NCAM1: variants seen among roughly 807,000 people sequenced by gnomAD.
NCAM1 encodes antigen recognized by monoclonal antibody 5.1H11.
In NCAM1, 14 loss-of-function variants were observed where a neutral mutation model predicts 109.8. The observed-to-expected ratio is 0.13, with a 90% CI of 0.08 to 0.20. The LOEUF (loss-of-function observed/expected upper bound fraction) is 0.20, where lower values mean the gene tolerates loss of function less well. NCAM1 is among the 10% of genes least tolerant of loss of function. The probability of loss-of-function intolerance (pLI) is 1.00; values close to 1 mark genes in which losing one functional copy is unlikely to be tolerated. For synonymous variants in NCAM1, 418 were observed against 442.9 expected, an observed-to-expected ratio of 0.94 and a Z score of 0.70; for missense variants, 774 against 1,109.9, an observed-to-expected ratio of 0.70 and a Z score of 4.30.
chr11:113,275,485 CACAA>C lies in NCAM1; in HGVS notation c.*102_*105del, dbSNP rs1249611838. The C allele has an allele frequency of 1.4e-6, 2 of 1,396,550 alleles. No individual in the cohort carries two copies. Among genetic ancestry groups the C allele is most frequent in the South Asian group, 1.3e-5 (1 of 75,784 alleles). The allele number at this position is 1,396,550 out of a possible 1,614,324, so 86.5% of individuals were successfully genotyped here. A position where few individuals can be genotyped will look rare whatever the true frequency, so the allele number is the denominator to read the frequency against. On this transcript the variant is annotated 3_prime_UTR_variant, in exon 20 of 20. Coordinates refer to ENST00000316851, the MANE Select transcript of NCAM1 (RefSeq NM_181351.5). ...ACAGACACACACACGCACGCACACA[CACAA>C]ACACACATGCACACACACACATCTC...
In NCAM1 at chr11:113,270,243, C is replaced by T. The variant is rs370972808; in HGVS notation, c.2187C>T (p.Ile729=). The T allele has an allele frequency of 3.8e-5, 62 of 1,614,062 alleles. No homozygotes were observed. In the African/African-American group the frequency reaches 4.3e-4, roughly 11 times the overall value. ...CCGGGGCCATCGTGGGCATCCTCAT[C>T]GTCATCTTCGTCCTGCTCCTGGTGG... The part of the protein sequence containing the change: ...LSTGAIVGIL[I]VIFVLLLVVV... The change falls in exon 18 of 20, where the codon ATC becomes ATT. Residue 729 remains isoleucine, a synonymous_variant. Transcript: ENST00000316851.
intron 1 of NCAM1, among the ~76,000 whole-genome samples, chr11:112,989,650 T>G (rs1408584116): frequency 6.6e-6 from 1 of 152,190 alleles, no homozygotes; most frequent in African/African-American, 2.4e-5. Flanking sequence ...GGAGCTTTAT[T>G]AGTTTCCTTT....
At chr11:113,081,457 A>G (rs1938813391) in intron 1 of NCAM1, among the ~76,000 whole-genome samples, 1 of 152,238 alleles carries the variant, frequency 6.6e-6, no homozygotes, top group African/African-American at 2.4e-5. Flanking sequence ...GCACTCGCCA[A>G]AGGATGCTAC....
At chr11:113,185,079 T>TATATATGTATAGAGAGAGAGAGAG in intron 1 of NCAM1, among the ~76,000 whole-genome samples, 1 of 125,760 alleles carries the variant, frequency 8.0e-6, no homozygotes, top group Non-Finnish European at 1.6e-5. Context: ...TATATATATA[T>TATATATGTATAGAGAGAGAGAGAG]AGAGAGAGAG....
At chr11:112,986,710 C>G (rs1951315156) in intron 1 of NCAM1, among the ~76,000 whole-genome samples, 1 of 152,054 alleles carries the variant, frequency 6.6e-6, no homozygotes, top group South Asian at 2.1e-4. Context: ...ACAGTAGTCT[C>G]TTATGATCCT....
chr11:113,251,067 C>T (rs782075455), intron 15 of NCAM1, among the ~76,000 whole-genome samples: 1 of 152,226 alleles, frequency 6.6e-6, no homozygotes, highest in Non-Finnish European at 1.5e-5. Context: ...TCCCAAAGTG[C>T]TGGGATTACA....
chr11:113,128,865 AC>A (rs1941281058), intron 1 of NCAM1, among the ~76,000 whole-genome samples: 1 of 150,788 alleles, frequency 6.6e-6, no homozygotes, highest in Admixed American at 6.6e-5. Context: ...GACATTCATG[AC>A]CTGCAATTGG....
Position 112,961,616 on chromosome 11 carries a change from C to G in NCAM1, c.4C>G (p.Leu2Val), listed in dbSNP as rs563686839. The G allele has an allele frequency of 2.7e-6, 4 of 1,492,808 alleles. No individual in the cohort carries two copies. The South Asian group carries it at 3.4e-5, about 13-fold the overall frequency. The allele number at this position is 1,492,808 out of a possible 1,614,324, so 92.5% of individuals were successfully genotyped here. The change falls in exon 1 of 20, where the codon CTG becomes GTG. Residue 2 changes from leucine to valine, a missense_variant. By Grantham distance (32) the Leu-to-Val change is conservative. Coordinates refer to ENST00000316851, the MANE Select transcript of NCAM1 (RefSeq NM_181351.5). M[L>V]QTKDLIWTLF... ...CCCTCCCAGCCAGCAGATTACAATG[C>G]TGCAAACTAAGGATCTCATCTGGAC...
At chr11:113,254,009 CCTT>C (rs1329556963) in intron 15 of NCAM1, among the ~76,000 whole-genome samples, 5 of 150,924 alleles carry the variant, frequency 3.3e-5, no homozygotes, top group African/African-American at 4.9e-5. Flanking sequence ...TCCTGTGTCT[CCTT>C]CTATTTGTTC....
intron 1 of NCAM1, among the ~76,000 whole-genome samples, chr11:113,131,627 C>T (rs1487139701): frequency 6.6e-6 from 1 of 152,176 alleles, no homozygotes; most frequent in Non-Finnish European, 1.5e-5. Flanking sequence ...GTCTCGTGCT[C>T]AGAAACTCCC....
chr11:113,137,984 A>T (rs1379283020), intron 1 of NCAM1, among the ~76,000 whole-genome samples: 1 of 152,138 alleles, frequency 6.6e-6, no homozygotes, highest in Non-Finnish European at 1.5e-5. Context: ...AAATGCAGAC[A>T]TATCTAATTA....
At chr11:112,988,134 C>T (rs1555069987) in intron 1 of NCAM1, among the ~76,000 whole-genome samples, 1 of 152,050 alleles carries the variant, frequency 6.6e-6, no homozygotes, top group East Asian at 1.9e-4. Context: ...GCTGATAAAA[C>T]AAACTTAACT....
intron 1 of NCAM1, among the ~76,000 whole-genome samples, chr11:113,066,953 G>A (rs1456120198): frequency 7.2e-6 from 1 of 138,922 alleles, no homozygotes; most frequent in Admixed American, 8.2e-5. Context: ...GCAGTGAGCC[G>A]AGATCCCGCC....
chr11:113,103,504 T>G (rs782094817), intron 1 of NCAM1, among the ~76,000 whole-genome samples: 1 of 152,182 alleles, frequency 6.6e-6, no homozygotes, highest in Non-Finnish European at 1.5e-5. Context: ...CAGTCAACTC[T>G]GTATGTGTGA....
intron 1 of NCAM1, among the ~76,000 whole-genome samples, chr11:113,018,866 T>C (rs1316781996): frequency 6.6e-6 from 1 of 152,238 alleles, no homozygotes; most frequent in African/African-American, 2.4e-5. Flanking sequence ...TGGAGAATTT[T>C]CATTACAAAA....
chr11:113,077,276 A>G (rs1409136214), intron 1 of NCAM1, among the ~76,000 whole-genome samples: 1 of 152,218 alleles, frequency 6.6e-6, no homozygotes, highest in African/African-American at 2.4e-5. Flanking sequence ...GTCCGTCAGC[A>G]AAGTTTTCAT....
intron 1 of NCAM1, among the ~76,000 whole-genome samples, chr11:113,060,896 A>T (rs1371395887): frequency 6.6e-6 from 1 of 152,220 alleles, no homozygotes; most frequent in Non-Finnish European, 1.5e-5. Context: ...AGTAAATGGA[A>T]GAATACATAA....
At chr11:113,134,373 T>C (rs1426467357) in intron 1 of NCAM1, among the ~76,000 whole-genome samples, 3 of 152,244 alleles carry the variant, frequency 2.0e-5, no homozygotes, top group African/African-American at 7.2e-5. Context: ...ACATTTTGTT[T>C]ATCCATTCAC....
intron 1 of NCAM1, among the ~76,000 whole-genome samples, chr11:113,114,234 C>T (rs782303626): frequency 3.9e-5 from 6 of 152,170 alleles, no homozygotes; most frequent in African/African-American, 1.2e-4. Context: ...ATCTTTTCCC[C>T]GGAGTCAGAG....
Sources: gnomAD v4.1 joint callset for allele counts (sites outside exome capture counted in the v4.1 genomes callset) on GRCh38, gnomAD v4.1.1 for gene constraint, MANE v1.5 for transcripts, NCBI Gene and HGNC (gene_info 2026-07-23, HGNC 2026-07-21) for gene names.